TMTC2: variants seen among roughly 807,000 people sequenced by gnomAD.
The protein encoded by TMTC2 is transmembrane O-mannosyltransferase targeting cadherins 2.
In TMTC2, 43 loss-of-function variants were observed where a neutral mutation model predicts 82.4. The observed-to-expected ratio is 0.52, with a 90% CI of 0.41 to 0.67. The LOEUF (loss-of-function observed/expected upper bound fraction) is 0.67, where lower values mean the gene tolerates loss of function less well. Ranked by LOEUF, TMTC2 falls within the 30% of genes least tolerant of loss-of-function variation. TMTC2 has a pLI of 0.00. For synonymous variants in TMTC2, 408 were observed against 381.9 expected, an observed-to-expected ratio of 1.07 and a Z score of -0.80; for missense variants, 919 against 1,012.4, an observed-to-expected ratio of 0.91 and a Z score of 1.25.
chr12:83,042,639 G>A (rs1257492211), intron 9 of TMTC2, among the ~76,000 whole-genome samples: 2 of 151,920 alleles, frequency 1.3e-5, no homozygotes, highest in African/African-American at 2.4e-5. Flanking sequence ...CTTCTTAGCC[G>A]GCAGAAATTC....
At chr12:82,792,481 T>TAC (rs2137024320) in intron 1 of TMTC2, among the ~76,000 whole-genome samples, 1 of 152,152 alleles carries the variant, frequency 6.6e-6, no homozygotes, top group Non-Finnish European at 1.5e-5. Context: ...TTTGTTTGTT[T>TAC]AAATTGACAG....
rs150357619 is a variant in TMTC2 at position 83,076,942 on chromosome 12, AGATT to A, written c.2331+15115_2331+15118del. Among the ~76,000 whole-genome samples the A allele has an allele frequency of 6.3e-3, 957 of 152,312 alleles. 13 individuals carry two copies. The highest frequency in any genetic ancestry group is 0.022 in the African/African-American group (916 of 41,558). ...CATTAGGCACATCATGAAAATTAATAGATTGATAGATTAATTTCTATTGAAAGTT... is the reference window on the plus strand; with the variant it reads ...CATTAGGCACATCATGAAAATTAATAGATAGATTAATTTCTATTGAAAGTT... On this transcript the variant is annotated intron_variant, in intron 11 of 11. Coordinates refer to ENST00000321196, the MANE Select transcript of TMTC2 (RefSeq NM_152588.3).
chr12:82,780,294 A>G (rs994882474), intron 1 of TMTC2, among the ~76,000 whole-genome samples: 2 of 152,160 alleles, frequency 1.3e-5, no homozygotes, highest in Non-Finnish European at 2.9e-5. Flanking sequence ...TCTGATATCT[A>G]AGAAAAATAG....
At chr12:82,985,343 A>G (rs1879107886) in intron 7 of TMTC2, among the ~76,000 whole-genome samples, 1 of 152,052 alleles carries the variant, frequency 6.6e-6, no homozygotes, top group Non-Finnish European at 1.5e-5. Flanking sequence ...TGAGCCCCCT[A>G]TCCTGGCCTT....
At chr12:82,949,918 G>A (rs1378116585) in intron 4 of TMTC2, among the ~76,000 whole-genome samples, 1 of 152,136 alleles carries the variant, frequency 6.6e-6, no homozygotes, top group Non-Finnish European at 1.5e-5. Flanking sequence ...TAAAATAGAG[G>A]TTGACTGTCA....
chr12:82,928,367 G>A (rs566469861), intron 3 of TMTC2, among the ~76,000 whole-genome samples: 4 of 152,118 alleles, frequency 2.6e-5, no homozygotes, highest in African/African-American at 7.2e-5. Flanking sequence ...TTTCCATAGA[G>A]GGATATCTTA....
rs1190480306 is a variant in TMTC2, at chr12:82,997,926, G to T, written c.2070+11880G>T. 2.6e-5 allele frequency among the ~76,000 whole-genome samples: 4 copies of T among 152,138 alleles called. No individual in the cohort carries two copies. The East Asian group carries it at 7.7e-4, about 29-fold the overall frequency. ...TTAGCTTATTCATCATATGAAACAGGTTTTTTCAAGTTGAATCCATTTATC... is the reference window on the plus strand; with the variant it reads ...TTAGCTTATTCATCATATGAAACAGTTTTTTTCAAGTTGAATCCATTTATC... On this transcript the variant is annotated intron_variant, in intron 8 of 11. Coordinates refer to ENST00000321196, the MANE Select transcript of TMTC2 (RefSeq NM_152588.3).
chr12:83,061,120 G>A (rs912600847), intron 10 of TMTC2, among the ~76,000 whole-genome samples: 11 of 151,734 alleles, frequency 7.2e-5, no homozygotes, highest in South Asian at 2.1e-4. Context: ...CTACCATTGC[G>A]AATGAATTCT....
intron 11 of TMTC2, among the ~76,000 whole-genome samples, chr12:83,101,035 T>C (rs1012660641): frequency 2.0e-5 from 3 of 152,232 alleles, no homozygotes; most frequent in African/African-American, 7.2e-5. Context: ...TTGATCACAT[T>C]TTAAATGTCT....
At chr12:83,124,387 A>G (rs1023486819) in intron 11 of TMTC2, among the ~76,000 whole-genome samples, 7 of 152,126 alleles carry the variant, frequency 4.6e-5, no homozygotes, top group Admixed American at 3.9e-4. Flanking sequence ...AAAGCTTAGC[A>G]CCAGTACTAT....
intron 1 of TMTC2, among the ~76,000 whole-genome samples, chr12:82,708,613 T>C (rs12318375): frequency 0.013 from 1,930 of 152,310 alleles, 42 homozygotes; most frequent in African/African-American, 0.045. Context: ...TCAGCCCCTG[T>C]CACGTGGTCC....
chr12:82,947,287 A>T (rs1344904409), intron 4 of TMTC2, among the ~76,000 whole-genome samples: 3 of 151,148 alleles, frequency 2.0e-5, no homozygotes, highest in Non-Finnish European at 4.4e-5. Flanking sequence ...CAAAGTGTGT[A>T]CTCAGTCTCC....
chr12:83,051,056 T>C, intron 10 of TMTC2, 38 bp downstream of exon 10: 1 of 1,451,200 alleles, frequency 6.9e-7, no homozygotes, highest in Non-Finnish European at 9.5e-7. Context: ...AGCCTAGGCT[T>C]TGAGAGGGTA....
At chr12:83,117,032 G>C (rs568449644) in intron 11 of TMTC2, among the ~76,000 whole-genome samples, 1 of 152,282 alleles carries the variant, frequency 6.6e-6, no homozygotes, top group South Asian at 2.1e-4. Flanking sequence ...TTTTCCTGGT[G>C]TTCTCGTCTA....
intron 1 of TMTC2, among the ~76,000 whole-genome samples, chr12:82,845,226 C>CAAAAAA (rs66859423): frequency 9.4e-4 from 43 of 45,556 alleles, no homozygotes; most frequent in African/African-American, 3.0e-3. Context: ...GTGACTGTCT[C>CAAAAAA]AAAAAAAAAA....
intron 4 of TMTC2, among the ~76,000 whole-genome samples, chr12:82,948,309 G>A (rs1565823287): frequency 6.6e-6 from 1 of 151,852 alleles, no homozygotes; most frequent in Non-Finnish European, 1.5e-5. Flanking sequence ...AGGCTGCAGT[G>A]AGCCATGCTT....
chr12:82,780,534 C>T (rs1877848331), intron 1 of TMTC2, among the ~76,000 whole-genome samples: 1 of 151,622 alleles, frequency 6.6e-6, no homozygotes, highest in African/African-American at 2.4e-5. Context: ...ATATTAAAAG[C>T]GTAAGTAATA....
intron 11 of TMTC2, 121 bp from the exon 12 acceptor site, chr12:83,132,089 T>C (rs1885274188): frequency 8.2e-7 from 1 of 1,224,500 alleles, no homozygotes; most frequent in South Asian, 1.8e-5. Context: ...GCTAAATTGC[T>C]TTCACAAAAT....
intron 1 of TMTC2, among the ~76,000 whole-genome samples, chr12:82,718,503 G>C (rs1160632405): frequency 6.6e-6 from 1 of 152,186 alleles, no homozygotes; most frequent in Non-Finnish European, 1.5e-5. Context: ...AATCTATTAA[G>C]TGACGGAGTC....
Sources: allele counts gnomAD v4.1 joint callset (sites outside exome capture counted in the v4.1 genomes callset), GRCh38; gene constraint gnomAD v4.1.1; transcripts MANE v1.5; gene names NCBI Gene and HGNC (gene_info 2026-07-23, HGNC 2026-07-21).